GLG1: variants seen among roughly 807,000 people sequenced by gnomAD.
GLG1 encodes the protein golgi glycoprotein 1, also known as Golgi apparatus protein 1.
Under a neutral mutation model 160.5 loss-of-function variants are expected in GLG1, and 38 were observed. That is an observed-to-expected ratio of 0.24 (90% CI 0.18 to 0.31). The LOEUF is 0.31. GLG1 is among the 10% of genes least tolerant of loss of function. The pLI, the probability that GLG1 is intolerant of heterozygous loss-of-function variation, is 1.00. For missense variants in GLG1, 1,373 were observed against 1,505.2 expected (o/e 0.91, Z 1.45); for synonymous variants, 644 against 543.4 (o/e 1.19, Z -2.57).
chr16:74,466,053 G>C lies in GLG1; in HGVS notation c.2530-240C>G, dbSNP rs191552446. On this transcript the variant is annotated intron_variant, in intron 18 of 25. Transcript: ENST00000422840. ...GGCTGTGCTCCAGCCTAATGGAAAAGAAACACACCCACGATTTCTGGTTTC... is the reference window on the plus strand; with the variant it reads ...GGCTGTGCTCCAGCCTAATGGAAAACAAACACACCCACGATTTCTGGTTTC... Among the ~76,000 whole-genome samples the C allele has an allele frequency of 1.4e-3, 212 of 152,284 alleles. 1 individual carries two copies. Among genetic ancestry groups the C allele is most frequent in the African/African-American group, 4.8e-3 (201 of 41,566 alleles).
chr16:74,553,783 C>T (rs1331352388), intron 1 of GLG1, among the ~76,000 whole-genome samples: 1 of 152,058 alleles, frequency 6.6e-6, no homozygotes, highest in Non-Finnish European at 1.5e-5. Context: ...ATGGAACATT[C>T]TTTAAAATAG....
intron 1 of GLG1, among the ~76,000 whole-genome samples, chr16:74,546,013 G>T (rs1307862077): frequency 6.6e-6 from 1 of 152,212 alleles, no homozygotes; most frequent in Non-Finnish European, 1.5e-5. Flanking sequence ...TGAACAGGTA[G>T]TACAAAGCAG....
intron 1 of GLG1, among the ~76,000 whole-genome samples, chr16:74,592,442 A>C (rs7193423): frequency 0.71 from 108,124 of 152,022 alleles, 39,090 homozygotes; most frequent in African/African-American, 0.83. Flanking sequence ...TGTTTATATA[A>C]ATGTTCTTGA....
intron 17 of GLG1, chr16:74,468,665 C>A (rs1175359223): frequency 2.7e-6 from 1 of 375,090 alleles, no homozygotes; most frequent in Non-Finnish European, 5.0e-6. Context: ...CAGCACCCAG[C>A]CCCTGAGGAC....
At chr16:74,606,442 C>A (rs1434317303) in intron 1 of GLG1, among the ~76,000 whole-genome samples, 2 of 152,090 alleles carry the variant, frequency 1.3e-5, no homozygotes, top group Admixed American at 6.6e-5. Flanking sequence ...CAGACCCCGG[C>A]AACAGGGAGG....
At chr16:74,510,427 T>C (rs1335445786) in intron 2 of GLG1, among the ~76,000 whole-genome samples, 1 of 152,248 alleles carries the variant, frequency 6.6e-6, no homozygotes, top group Non-Finnish European at 1.5e-5. Flanking sequence ...TACTTTATTT[T>C]TGAAGCTTCC....
chr16:74,578,686 G>T (rs1033403774), intron 1 of GLG1, among the ~76,000 whole-genome samples: 3 of 152,286 alleles, frequency 2.0e-5, no homozygotes, highest in Non-Finnish European at 4.4e-5. Context: ...CAGAACACAG[G>T]CCTCCTTAGA....
chr16:74,496,592 T>G lies in GLG1; in HGVS notation c.827A>C (p.Lys276Thr), dbSNP rs528071772. ...CTTGGGTTCTCTTTCTTCTGCTTCT[T>G]TCACCAGGCCTTTCTCCAAGCATGA... ...VVSCLEKGLV[K>T]EAEEREPKIQ... The change falls in exon 5 of 26, where the codon AAA becomes ACA. Residue 276 changes from lysine (K) to threonine (T), a missense_variant. Transcript: ENST00000422840. 87 of 1,613,524 alleles carry G rather than the reference T, an allele frequency of 5.4e-5. No homozygotes were observed. The South Asian group carries it at 8.9e-4, about 16-fold the overall frequency.
In GLG1 at chr16:74,452,204, C is replaced by A. The variant is rs2014339302; in HGVS notation, c.*963G>T. 2 of 1,545,254 alleles carry A rather than the reference C, an allele frequency of 1.3e-6. No homozygotes were observed. Among genetic ancestry groups the A allele is most frequent in the Admixed American group, 1.9e-5 (1 of 51,444 alleles). On this transcript the variant is annotated 3_prime_UTR_variant, in exon 26 of 26. Coordinates refer to ENST00000422840, the MANE Select transcript of GLG1 (RefSeq NM_001145667.2). ...ACCCACTGCTCCCCACACCCATCTT[C>A]AAGGACCCCTCCCGCCACAGTCCTG...
chr16:74,551,586 G>A (rs969076098), intron 1 of GLG1, among the ~76,000 whole-genome samples: 6 of 151,102 alleles, frequency 4.0e-5, no homozygotes, highest in East Asian at 3.9e-4. Flanking sequence ...CCAAAGTGCT[G>A]GAATGAGCCA....
chr16:74,470,148 A>C (rs2015144371), intron 15 of GLG1, 75 bp from the exon 16 acceptor site: 1 of 849,668 alleles, frequency 1.2e-6, no homozygotes, highest in Middle Eastern at 2.2e-4. Context: ...GCACTTTTTC[A>C]TATAGCTCTC....
At position 74,586,539 on chromosome 16, in the gene GLG1, A is replaced by G. The variant is rs575493982; in HGVS notation, c.438+20118T>C. On this transcript the variant is annotated intron_variant, in intron 1 of 25. Transcript: ENST00000422840. Reference sequence around the variant, plus strand: ...ACCCAAGCTGGAGTGCAGTGGCACAATCATAACTCACTGCAGCCTCAATCT... The same window carrying G: ...ACCCAAGCTGGAGTGCAGTGGCACAGTCATAACTCACTGCAGCCTCAATCT... Among the ~76,000 whole-genome samples, 27 of 152,148 alleles carry G rather than the reference A, an allele frequency of 1.8e-4. 1 individual carries two copies. In the South Asian group the frequency reaches 5.2e-3, roughly 29 times the overall value.
chr16:74,588,983 T>C (rs905683133), intron 1 of GLG1, among the ~76,000 whole-genome samples: 16 of 151,852 alleles, frequency 1.1e-4, no homozygotes, highest in Admixed American at 9.9e-4. Context: ...GGCTCATGCT[T>C]GTAATGCCAG....
At chr16:74,520,740 G>A (rs1194220998) in intron 2 of GLG1, among the ~76,000 whole-genome samples, 5 of 152,098 alleles carry the variant, frequency 3.3e-5, no homozygotes, top group South Asian at 4.1e-4. Flanking sequence ...ATCATTTTTC[G>A]GTAAGCACTT....
intron 1 of GLG1, among the ~76,000 whole-genome samples, chr16:74,544,306 T>C (rs1054013515): frequency 1.5e-4 from 22 of 151,298 alleles, no homozygotes; most frequent in Admixed American, 7.2e-4. Context: ...TTATTTAACA[T>C]GTTTTTGTTT....
At chr16:74,504,899 G>T (rs1366420869) in intron 3 of GLG1, among the ~76,000 whole-genome samples, 1 of 152,150 alleles carries the variant, frequency 6.6e-6, no homozygotes, top group South Asian at 2.1e-4. Context: ...TCAGGCAAAA[G>T]TAAAACCTAA....
chr16:74,480,944 C>T (rs1239584873), intron 10 of GLG1, among the ~76,000 whole-genome samples: 1 of 152,160 alleles, frequency 6.6e-6, no homozygotes, highest in Non-Finnish European at 1.5e-5. Flanking sequence ...TAACCTTCTA[C>T]AGAAGATTTA....
At position 74,460,675 on chromosome 16, in the gene GLG1, C is replaced by T. The variant is rs142380659; in HGVS notation, c.3037-886G>A. On this transcript the variant is annotated intron_variant, in intron 22 of 25. Coordinates refer to ENST00000422840, the MANE Select transcript of GLG1 (RefSeq NM_001145667.2). ...CAAACAGTTTCCTGGGGGTTTCGTG[C>T]CCCTCCTCCTATATTGGATGCCAGG... Among the ~76,000 whole-genome samples the T allele has an allele frequency of 4.9e-4, 75 of 152,282 alleles. 1 individual carries two copies. The highest frequency in any genetic ancestry group is 3.4e-3 in the Middle Eastern group (1 of 294).
intron 8 of GLG1, among the ~76,000 whole-genome samples, chr16:74,487,797 T>C (rs1426942049): frequency 6.6e-6 from 1 of 151,968 alleles, no homozygotes; most frequent in Non-Finnish European, 1.5e-5. Context: ...CAGGCGAAAA[T>C]GAATGCCCTC....
Sources: gnomAD v4.1 joint callset for allele counts (sites outside exome capture counted in the v4.1 genomes callset) on GRCh38, gnomAD v4.1.1 for gene constraint, MANE v1.5 for transcripts, NCBI Gene and HGNC (gene_info 2026-07-23, HGNC 2026-07-21) for gene names.